Variants in SPIDR observed in about 807,000 individuals in gnomAD.
The protein encoded by SPIDR is scaffold protein involved in DNA repair.
A neutral mutation model predicts 104.6 loss-of-function variants in SPIDR; 93 were observed. The ratio of observed to expected loss-of-function variants is 0.89; its 90% CI spans 0.75 to 1.06. The LOEUF is 1.06. Among genes scored for constraint, SPIDR ranks in the 50% least tolerant of loss-of-function variants. The pLI, the probability that SPIDR is intolerant of heterozygous loss-of-function variation, is 0.00. For synonymous variants in SPIDR, 431 were observed against 416.9 expected, an observed-to-expected ratio of 1.03 and a Z score of -0.41; for missense variants, 1,154 against 1,111.2, an observed-to-expected ratio of 1.04 and a Z score of -0.55.
intron 8 of SPIDR, among the ~76,000 whole-genome samples, chr8:47,541,700 C>G (rs1300579378): frequency 6.6e-6 from 1 of 152,166 alleles, no homozygotes; most frequent in Non-Finnish European, 1.5e-5. Context: ...AGTTCAAGAC[C>G]AGCCTAGCCA....
chr8:47,512,784 T>G (rs1268480560), intron 8 of SPIDR, among the ~76,000 whole-genome samples: 1 of 152,200 alleles, frequency 6.6e-6, no homozygotes, highest in Non-Finnish European at 1.5e-5. Context: ...GGGGAGGCAC[T>G]TTTATTCTGA....
intron 10 of SPIDR, among the ~76,000 whole-genome samples, chr8:47,617,672 G>A (rs1260617099): frequency 6.6e-6 from 1 of 152,182 alleles, no homozygotes; most frequent in Non-Finnish European, 1.5e-5. Context: ...AGTGCCTACT[G>A]TGTCACATCA....
chr8:47,512,917 CTG>C (rs2082580108), intron 8 of SPIDR, among the ~76,000 whole-genome samples: 2 of 152,258 alleles, frequency 1.3e-5, no homozygotes, highest in Admixed American at 6.5e-5. Context: ...TCTTGAAACT[CTG>C]TAAGAATTAT....
chr8:47,701,701 C>G lies in SPIDR; in HGVS notation c.1774-20C>G. The G allele has an allele frequency of 6.2e-7, 1 of 1,611,856 alleles. No individual in the cohort carries two copies. The highest frequency in any genetic ancestry group is 1.1e-5 in the South Asian group (1 of 90,528). Reference sequence around the variant, plus strand: ...CTTTTAACAATACATTCACCTTCTACCTTTGTCTCATTTAAACAGATAAAA... The same window carrying G: ...CTTTTAACAATACATTCACCTTCTAGCTTTGTCTCATTTAAACAGATAAAA... On this transcript the variant is annotated intron_variant, in intron 12 of 19. Coordinates refer to ENST00000297423, the MANE Select transcript of SPIDR (RefSeq NM_001080394.4).
chr8:47,326,173 AT>A (rs2047636104), intron 5 of SPIDR, among the ~76,000 whole-genome samples: 1 of 151,850 alleles, frequency 6.6e-6, no homozygotes, highest in Non-Finnish European at 1.5e-5. Context: ...TTCTGTATTT[AT>A]TTATTTATTT....
chr8:47,457,141 C>T (rs892825386), intron 8 of SPIDR, among the ~76,000 whole-genome samples: 5 of 152,192 alleles, frequency 3.3e-5, no homozygotes, highest in Admixed American at 3.3e-4. Flanking sequence ...ATTGCTAGGT[C>T]AAATGGTAGT....
intron 8 of SPIDR, among the ~76,000 whole-genome samples, chr8:47,472,130 T>A (rs1188551076): frequency 6.6e-6 from 1 of 152,202 alleles, no homozygotes; most frequent in Non-Finnish European, 1.5e-5. Context: ...TTCTATACAG[T>A]CTCCCTGAAA....
intron 10 of SPIDR, among the ~76,000 whole-genome samples, chr8:47,641,833 C>G (rs755417151): frequency 3.3e-5 from 5 of 152,206 alleles, no homozygotes; most frequent in Non-Finnish European, 7.3e-5. Context: ...ATTGAATTCC[C>G]TAAACTTCTG....
chr8:47,707,197 G>A (rs1163791804), intron 14 of SPIDR, among the ~76,000 whole-genome samples: 1 of 149,946 alleles, frequency 6.7e-6, no homozygotes, highest in Non-Finnish European at 1.5e-5. Context: ...GAGGTTGAGT[G>A]AGCCAAGATC....
chr8:47,328,010 T>G (rs2047986373), intron 5 of SPIDR, among the ~76,000 whole-genome samples: 2 of 149,952 alleles, frequency 1.3e-5, no homozygotes, highest in Non-Finnish European at 1.5e-5. Flanking sequence ...GTTTTTTTTT[T>G]GGTTTTTTTT....
intron 7 of SPIDR, among the ~76,000 whole-genome samples, chr8:47,412,608 C>A (rs1554672586): frequency 6.6e-6 from 1 of 152,202 alleles, no homozygotes; most frequent in Non-Finnish European, 1.5e-5. Context: ...TAACACACTA[C>A]CATCCATATC....
At chr8:47,292,221 C>G (rs1484436056) in intron 4 of SPIDR, among the ~76,000 whole-genome samples, 8 of 152,068 alleles carry the variant, frequency 5.3e-5, no homozygotes, top group African/African-American at 1.9e-4. Flanking sequence ...ACTTTTAACT[C>G]TTGACGGTTC....
intron 7 of SPIDR, among the ~76,000 whole-genome samples, chr8:47,423,855 A>G (rs939344531): frequency 5.9e-5 from 9 of 152,204 alleles, no homozygotes; most frequent in Non-Finnish European, 1.3e-4. Context: ...ATTTATCTTC[A>G]CGAATCATTG....
At chr8:47,564,072 C>CTTTTTTTTTT (rs869220760) in intron 8 of SPIDR, among the ~76,000 whole-genome samples, 12 of 76,832 alleles carry the variant, frequency 1.6e-4, no homozygotes, top group Non-Finnish European at 1.9e-4. Context: ...TTTTTCTTTT[C>CTTTTTTTTTT]TTTTTTTTTT....
At chr8:47,672,194 C>A (rs1027170176) in intron 10 of SPIDR, among the ~76,000 whole-genome samples, 1 of 152,188 alleles carries the variant, frequency 6.6e-6, no homozygotes, top group African/African-American at 2.4e-5. Flanking sequence ...CCCCTCAGTT[C>A]AAGTAATCCT....
At chr8:47,519,442 G>A (rs926001015) in intron 8 of SPIDR, among the ~76,000 whole-genome samples, 8 of 152,256 alleles carry the variant, frequency 5.3e-5, no homozygotes, top group South Asian at 2.1e-4. Flanking sequence ...ACTGTGCCTG[G>A]CCACCATGTG....
intron 3 of SPIDR, among the ~76,000 whole-genome samples, chr8:47,286,313 C>T (rs2038840849): frequency 6.6e-6 from 1 of 152,166 alleles, no homozygotes; most frequent in African/African-American, 2.4e-5. Context: ...AAAGGCATTA[C>T]ATTTGGGAAG....
At chr8:47,632,735 CTTGTTTTTTTGTTTT>C (rs2067267486) in intron 10 of SPIDR, among the ~76,000 whole-genome samples, 1 of 152,204 alleles carries the variant, frequency 6.6e-6, no homozygotes, top group South Asian at 2.1e-4. Flanking sequence ...TTTGTTTAGT[CTTGTTTTTTTGTTTT>C]TTGTTTTTTT....
At chr8:47,270,330 G>GT (rs1253144698) in intron 1 of SPIDR, among the ~76,000 whole-genome samples, 1 of 152,088 alleles carries the variant, frequency 6.6e-6, no homozygotes, top group Non-Finnish European at 1.5e-5. Flanking sequence ...TCTCTGATCA[G>GT]TTTTTTATTT....
Sources: allele counts gnomAD v4.1 joint callset (sites outside exome capture counted in the v4.1 genomes callset), GRCh38; gene constraint gnomAD v4.1.1; transcripts MANE v1.5; gene names NCBI Gene and HGNC (gene_info 2026-07-23, HGNC 2026-07-21).